The following NAV2 variants were observed in gnomAD, a reference collection of about 807,000 sequenced individuals.
NAV2 encodes neuron navigator 2.
In NAV2, 54 loss-of-function variants were observed where a neutral mutation model predicts 223.2. That is an observed-to-expected ratio of 0.24 (90% CI 0.19 to 0.30). The LOEUF is 0.30. NAV2 is among the 10% of genes least tolerant of loss of function. The probability of loss-of-function intolerance (pLI) is 1.00; values close to 1 mark genes in which losing one functional copy is unlikely to be tolerated. For missense variants in NAV2, 2,806 were observed against 3,147.5 expected, an observed-to-expected ratio of 0.89 and a Z score of 2.60; for synonymous variants, 1,279 against 1,239.3, an observed-to-expected ratio of 1.03 and a Z score of -0.67.
At chr11:19,752,501 G>A (rs11025238) in intron 1 of NAV2, among the ~76,000 whole-genome samples, 16,539 of 152,200 alleles carry the variant, frequency 0.11, 1,033 homozygotes, top group East Asian at 0.23. Flanking sequence ...CCACCCCTGA[G>A]ATAAAAATTG....
intron 1 of NAV2, among the ~76,000 whole-genome samples, chr11:19,719,553 C>T (rs1221534479): frequency 6.6e-6 from 1 of 152,170 alleles, no homozygotes; most frequent in Admixed American, 6.5e-5. Context: ...GTGTATGGCA[C>T]ATACTAAGCT....
chr11:19,348,940 T>C (rs558301824), upstream of NAV2, among the ~76,000 whole-genome samples: 28 of 152,216 alleles, frequency 1.8e-4, no homozygotes, highest in Non-Finnish European at 1.6e-4. Context: ...TTCACTTGCA[T>C]TGTGGTCTGC....
At chr11:19,435,062 C>T (rs985532333) in intron 1 of NAV2, among the ~76,000 whole-genome samples, 5 of 152,014 alleles carry the variant, frequency 3.3e-5, no homozygotes, top group Admixed American at 2.0e-4. Context: ...CTAGCATATT[C>T]GTCACCTCAA....
At chr11:19,472,622 T>C (rs1248748103) in intron 1 of NAV2, among the ~76,000 whole-genome samples, 1 of 152,064 alleles carries the variant, frequency 6.6e-6, no homozygotes, top group African/African-American at 2.4e-5. Context: ...ATCTCACTGA[T>C]TGTCAAGAAG....
chr11:19,365,494 G>C (rs1848246434), intron 1 of NAV2, among the ~76,000 whole-genome samples: 1 of 152,178 alleles, frequency 6.6e-6, no homozygotes, highest in African/African-American at 2.4e-5. Context: ...GAAATCAACA[G>C]CTGTTATAAC....
chr11:19,910,283 C>G lies in NAV2; in HGVS notation c.931+17689C>G, dbSNP rs2153220016. ...TACAAGCTAGTTTTTACTAAATTCACTAATCATTGAGCCCCTCTTTTATGT... is the reference window on the plus strand; with the variant it reads ...TACAAGCTAGTTTTTACTAAATTCAGTAATCATTGAGCCCCTCTTTTATGT... On this transcript the variant is annotated intron_variant, in intron 6 of 37. Transcript: ENST00000349880. Among the ~76,000 whole-genome samples the G allele has an allele frequency of 2.0e-5, 3 of 152,298 alleles. No homozygotes were observed. In the South Asian group the frequency reaches 6.2e-4, roughly 32 times the overall value.
intron 11 of NAV2, among the ~76,000 whole-genome samples, chr11:20,018,247 G>C (rs148264412): frequency 3.4e-4 from 52 of 151,826 alleles, no homozygotes; most frequent in African/African-American, 1.2e-3. Flanking sequence ...CCAGCTGTTC[G>C]GGAGGCTGAG....
chr11:19,965,181 A>AT (rs1189224124), intron 10 of NAV2, among the ~76,000 whole-genome samples: 3 of 145,786 alleles, frequency 2.1e-5, no homozygotes, highest in East Asian at 4.6e-4. Context: ...GGACACAGGG[A>AT]TTTGGGGGGG....
chr11:20,055,932 C>G lies in NAV2; in HGVS notation c.4806C>G (p.Gly1602=), dbSNP rs2058338883. Reference sequence around the variant, plus strand: ...AGAGCAGAACCATGAGCCGTTCAGGCTCATTCCGGGATGGGTTTGAAGAAG... The same window carrying G: ...AGAGCAGAACCATGAGCCGTTCAGGGTCATTCCGGGATGGGTTTGAAGAAG... ...DEKSRTMSRS[G]SFRDGFEEVH... Residue 1602 remains glycine (G), a synonymous_variant, in exon 19 of 38, where the codon GGC becomes GGG. Transcript: ENST00000349880. The G allele has an allele frequency of 6.2e-7, 1 of 1,614,026 alleles. No homozygotes were observed. The highest frequency in any genetic ancestry group is 1.7e-5 in the Admixed American group (1 of 60,030).
intron 1 of NAV2, among the ~76,000 whole-genome samples, chr11:19,784,567 A>T (rs2056973801): frequency 6.6e-6 from 1 of 152,076 alleles, no homozygotes; most frequent in Non-Finnish European, 1.5e-5. Flanking sequence ...GGGAGTACTA[A>T]TGATAATTGC....
At chr11:19,975,867 A>G (rs1043817413) in intron 10 of NAV2, among the ~76,000 whole-genome samples, 1 of 152,156 alleles carries the variant, frequency 6.6e-6, no homozygotes, top group Admixed American at 6.5e-5. Flanking sequence ...CTCATGCTGG[A>G]TGTGAATTTT....
In NAV2 at chr11:19,860,045, A is replaced by AC. The variant is rs1253185457; in HGVS notation, c.439-8872dup. Among the ~76,000 whole-genome samples, 125 of 58,302 alleles carry AC rather than the reference A, an allele frequency of 2.1e-3. 6 individuals are homozygous for AC. Among genetic ancestry groups the AC allele is most frequent in the Non-Finnish European group, 3.2e-3 (92 of 28,346 alleles). The allele number at this position is 58,302 out of a possible 152,430, so 38.2% of individuals were successfully genotyped here. A position where few individuals can be genotyped will look rare whatever the true frequency, so the allele number is the denominator to read the frequency against. Reference sequence around the variant, plus strand: ...GGGCGGCTGGCCAGGCGGGGGGCTGACCCCCCCCAACTCCCTCCTGGACGG... The same window carrying AC: ...GGGCGGCTGGCCAGGCGGGGGGCTGACCCCCCCCCAACTCCCTCCTGGACGG... On this transcript the variant is annotated intron_variant, in intron 3 of 37. Transcript: ENST00000349880.
chr11:20,112,571 C>A (rs575248137), intron 36 of NAV2, among the ~76,000 whole-genome samples: 1 of 152,162 alleles, frequency 6.6e-6, no homozygotes, highest in Non-Finnish European at 1.5e-5. Context: ...GACAATGAGC[C>A]CAGCAGGCTG....
Position 19,706,273 on chromosome 11 carries a change from G to C in NAV2, c.76-126211G>C, listed in dbSNP as rs114795385. On this transcript the variant is annotated intron_variant, in intron 1 of 37. Transcript: ENST00000360655. Reference sequence around the variant, plus strand: ...TCTAATCCTTTGTGGGATGAGGCAAGATGTAAACAAAGGAATGTTTCCTAG... The same window carrying C: ...TCTAATCCTTTGTGGGATGAGGCAACATGTAAACAAAGGAATGTTTCCTAG... Among the ~76,000 whole-genome samples, 547 of 152,302 alleles carry C rather than the reference G, an allele frequency of 3.6e-3. 3 individuals are homozygous for C. The highest frequency in any genetic ancestry group is 0.013 in the African/African-American group (529 of 41,558).
intron 1 of NAV2, among the ~76,000 whole-genome samples, chr11:19,670,481 C>T (rs185941741): frequency 3.4e-4 from 52 of 152,322 alleles, no homozygotes; most frequent in Non-Finnish European, 5.9e-4. Flanking sequence ...GGGAACCCCG[C>T]GGAGAGGGGA....
At position 19,584,668 on chromosome 11, in the gene NAV2, T is replaced by A. The variant is rs537258576; in HGVS notation, c.75+233641T>A. On this transcript the variant is annotated intron_variant, in intron 1 of 37. Coordinates refer to the NAV2 transcript ENST00000360655. ...AGTCGTTCAGGAGCAGGTTGTTCAG[T>A]TTCCATGTAGTTGAGCAGTTTTGAG... Among the ~76,000 whole-genome samples, 8 of 152,366 alleles carry A rather than the reference T, an allele frequency of 5.3e-5. No individual in the cohort carries two copies. The South Asian group carries it at 8.3e-4, about 16-fold the overall frequency.
At chr11:19,935,851 G>GTTTTTTTTTTGTTTTTTTTTT (rs2045810767) in intron 7 of NAV2, among the ~76,000 whole-genome samples, 1 of 52,704 alleles carries the variant, frequency 1.9e-5, no homozygotes, top group Non-Finnish European at 3.4e-5. Flanking sequence ...TTTTGTTTCT[G>GTTTTTTTTTTGTTTTTTTTTT]TTTTTTTTTT....
intron 1 of NAV2, among the ~76,000 whole-genome samples, chr11:19,667,447 G>T (rs533183233): frequency 2.6e-5 from 4 of 152,182 alleles, no homozygotes; most frequent in African/African-American, 9.6e-5. Context: ...AATACCTGTG[G>T]GTGTGCTTTG....
intron 12 of NAV2, among the ~76,000 whole-genome samples, chr11:20,037,117 T>A (rs1386369847): frequency 6.6e-6 from 1 of 152,128 alleles, no homozygotes; most frequent in African/African-American, 2.4e-5. Flanking sequence ...GGCTGGAATC[T>A]TTTTCATGAT....
Sources: gnomAD v4.1 joint callset for allele counts (sites outside exome capture counted in the v4.1 genomes callset) on GRCh38, gnomAD v4.1.1 for gene constraint, MANE v1.5 for transcripts, NCBI Gene and HGNC (gene_info 2026-07-23, HGNC 2026-07-21) for gene names.